Variants in MYO16 observed in about 807,000 individuals in gnomAD.
The protein encoded by MYO16 is myosin XVI, also known as unconventional myosin-XVI.
A neutral mutation model predicts 205.3 loss-of-function variants in MYO16; 94 were observed. The observed-to-expected ratio is 0.46, with a 90% CI of 0.39 to 0.54. MYO16 has a LOEUF of 0.54. Ranked by LOEUF, MYO16 falls within the 20% of genes least tolerant of loss-of-function variation. The probability of loss-of-function intolerance (pLI) is 0.00; values close to 1 mark genes in which losing one functional copy is unlikely to be tolerated. For missense variants in MYO16, 2,315 were observed against 2,387.5 expected (o/e 0.97, Z 0.63); for synonymous variants, 988 against 954.0 (o/e 1.04, Z -0.66).
At chr13:109,050,218 A>AT (rs1399053674) in intron 24 of MYO16, among the ~76,000 whole-genome samples, 1 of 151,764 alleles carries the variant, frequency 6.6e-6, no homozygotes, top group Admixed American at 6.6e-5. Flanking sequence ...TTTAGTTATC[A>AT]TTTTTCCTTT....
At chr13:108,500,210 T>G in the MYO16 span, among the ~76,000 whole-genome samples, 1 of 9,018 alleles carries the variant, frequency 1.1e-4, no homozygotes, top group African/African-American at 1.7e-4. Context: ...ATTCCTGTTT[T>G]TTTTTTTTTT....
intron 14 of MYO16, among the ~76,000 whole-genome samples, chr13:108,889,089 TGTGTTA>T (rs1476535228): frequency 6.6e-5 from 10 of 151,226 alleles, no homozygotes; most frequent in African/African-American, 2.4e-4. Context: ...TGCACTTTGG[TGTGTTA>T]GGACATTTTG....
At chr13:108,808,642 T>C (rs917214903) in intron 7 of MYO16, among the ~76,000 whole-genome samples, 6 of 152,144 alleles carry the variant, frequency 3.9e-5, no homozygotes, top group Non-Finnish European at 7.3e-5. Flanking sequence ...CAGGAAATTA[T>C]GCTTCTAGTA....
At chr13:109,001,058 A>T in intron 21 of MYO16, among the ~76,000 whole-genome samples, 1 of 151,896 alleles carries the variant, frequency 6.6e-6, no homozygotes, top group East Asian at 1.9e-4. Context: ...TATACATGTG[A>T]AGTAGCTGAA....
chr13:108,961,790 G>A (rs1883595110), intron 18 of MYO16, 134 bp downstream of exon 18: 1 of 674,226 alleles, frequency 1.5e-6, no homozygotes, highest in Admixed American at 2.5e-5. Context: ...CAGTGAGGGG[G>A]GGAAATTGTC....
At chr13:108,560,240 A>C in the MYO16 span, among the ~76,000 whole-genome samples, 28 of 152,212 alleles carry the variant, frequency 1.8e-4, no homozygotes, top group Non-Finnish European at 8.8e-5. Flanking sequence ...GCAGTTCACC[A>C]TACACTGGGA....
chr13:108,560,614 TTTTACAC>T, the MYO16 span, among the ~76,000 whole-genome samples: 1 of 152,216 alleles, frequency 6.6e-6, no homozygotes, highest in Non-Finnish European at 1.5e-5. Context: ...TAAAGAAGAA[TTTTACAC>T]TTTACATTAA....
intron 4 of MYO16, among the ~76,000 whole-genome samples, chr13:108,732,138 T>C (rs897200816): frequency 8.5e-5 from 13 of 152,230 alleles, no homozygotes; most frequent in Admixed American, 3.9e-4. Flanking sequence ...GAAACGCTAT[T>C]GTCCAATGTG....
At chr13:108,936,995 C>T (rs1009217484) in intron 16 of MYO16, among the ~76,000 whole-genome samples, 14 of 152,084 alleles carry the variant, frequency 9.2e-5, no homozygotes, top group African/African-American at 3.4e-4. Context: ...GTTCTTTTGT[C>T]TGCATGTTTA....
chr13:108,765,059 A>G (rs1192627300), intron 4 of MYO16, among the ~76,000 whole-genome samples: 2 of 152,164 alleles, frequency 1.3e-5, no homozygotes, highest in South Asian at 2.1e-4. Context: ...ATAATCATTG[A>G]ATCTTTTGAT....
chr13:108,733,747 G>A (rs1441786757), intron 4 of MYO16, among the ~76,000 whole-genome samples: 1 of 152,160 alleles, frequency 6.6e-6, no homozygotes, highest in Non-Finnish European at 1.5e-5. Flanking sequence ...CAGATTATGA[G>A]GTCAGGAGAT....
chr13:108,708,488 G>A (rs1883599900), intron 2 of MYO16, among the ~76,000 whole-genome samples: 1 of 152,098 alleles, frequency 6.6e-6, no homozygotes, highest in Non-Finnish European at 1.5e-5. Flanking sequence ...ACTTTCCCAG[G>A]TAACACAAGA....
intron 2 of MYO16, among the ~76,000 whole-genome samples, chr13:108,692,291 T>C (rs1462207468): frequency 6.6e-6 from 1 of 152,100 alleles, no homozygotes; most frequent in African/African-American, 2.4e-5. Context: ...TCCTCAGCAC[T>C]TTTGAAACTG....
intron 23 of MYO16, among the ~76,000 whole-genome samples, chr13:109,044,790 A>G (rs1007520367): frequency 4.6e-5 from 7 of 152,110 alleles, no homozygotes; most frequent in African/African-American, 1.7e-4. Context: ...CCCAGGTTCA[A>G]GCAATTCTCC....
intron 11 of MYO16, among the ~76,000 whole-genome samples, chr13:108,865,111 C>A (rs1878642703): frequency 1.3e-5 from 2 of 152,134 alleles, no homozygotes; most frequent in Non-Finnish European, 1.5e-5. Flanking sequence ...ATAGAACATA[C>A]TCTGTGTGAC....
intron 27 of MYO16, among the ~76,000 whole-genome samples, chr13:109,061,590 G>A (rs1288846086): frequency 2.0e-5 from 3 of 152,022 alleles, no homozygotes; most frequent in Non-Finnish European, 2.9e-5. Flanking sequence ...CACATGACAC[G>A]TATTGATGAA....
intron 20 of MYO16, 72 bp downstream of exon 20, chr13:108,964,974 C>A: frequency 6.7e-7 from 1 of 1,493,486 alleles, no homozygotes; most frequent in Non-Finnish European, 9.1e-7. Context: ...ACTCCAAAAG[C>A]AGCTTCATAT....
In MYO16 at chr13:109,206,912, GAC is replaced by G; in HGVS notation, c.*78_*79del. On this transcript the variant is annotated 3_prime_UTR_variant, in exon 35 of 35. Coordinates refer to ENST00000457511, the MANE Select transcript of MYO16 (RefSeq NM_001198950.3). ...CTGCAACAACAGAAGGCTGCCTTCTGACATGCGCTGGGGCTTCTCTCCACGCA... is the reference window on the plus strand; with the variant it reads ...CTGCAACAACAGAAGGCTGCCTTCTGATGCGCTGGGGCTTCTCTCCACGCA... 3.0e-6 allele frequency: 4 copies of G among 1,327,122 alleles called. No individual in the cohort carries two copies. Among genetic ancestry groups the G allele is most frequent in the Non-Finnish European group, 4.2e-6 (4 of 950,276 alleles). The allele number at this position is 1,327,122 out of a possible 1,614,324, so 82.2% of individuals were successfully genotyped here. A position where few individuals can be genotyped will look rare whatever the true frequency, so the allele number is the denominator to read the frequency against.
chr13:108,908,991 T>A (rs990079996), intron 15 of MYO16, among the ~76,000 whole-genome samples: 24 of 148,096 alleles, frequency 1.6e-4, no homozygotes, highest in East Asian at 1.2e-3. Flanking sequence ...TAAAATAAAA[T>A]AAATAAATAA....
Sources: allele counts gnomAD v4.1 joint callset (sites outside exome capture counted in the v4.1 genomes callset), GRCh38; gene constraint gnomAD v4.1.1; transcripts MANE v1.5; gene names NCBI Gene and HGNC (gene_info 2026-07-23, HGNC 2026-07-21).